The following IL1RAP variants were observed in gnomAD, a reference collection of about 807,000 sequenced individuals.
IL1RAP encodes interleukin-1 receptor accessory protein.
IL1RAP carries 35 observed loss-of-function variants against 60.7 expected under a neutral mutation model. That is an observed-to-expected ratio of 0.58 (90% CI 0.44 to 0.76). The LOEUF (loss-of-function observed/expected upper bound fraction) is 0.76. Among genes scored for constraint, IL1RAP ranks in the 30% least tolerant of loss-of-function variants. IL1RAP has a pLI of 0.00. For missense variants in IL1RAP, 572 were observed against 693.9 expected (o/e 0.82, Z 1.97); for synonymous variants, 268 against 250.9 (o/e 1.07, Z -0.64).
chr3:190,560,766 G>C (rs1725817570), intron 2 of IL1RAP, among the ~76,000 whole-genome samples: 2 of 152,182 alleles, frequency 1.3e-5, no homozygotes, highest in African/African-American at 4.8e-5. Flanking sequence ...ACCAAGTCTA[G>C]AGAATGCAGA....
At chr3:190,641,808 T>G in intron 9 of IL1RAP, among the ~76,000 whole-genome samples, 1 of 152,194 alleles carries the variant, frequency 6.6e-6, no homozygotes, top group East Asian at 1.9e-4. Flanking sequence ...ATTACCCTGT[T>G]GTACTGTTAA....
chr3:190,528,032 A>G (rs969442427), intron 1 of IL1RAP, among the ~76,000 whole-genome samples: 3 of 152,008 alleles, frequency 2.0e-5, no homozygotes, highest in Admixed American at 2.0e-4. Flanking sequence ...TTCTTCTTAA[A>G]TGTTTGCTTT....
chr3:190,580,689 G>A (rs1051335706), intron 3 of IL1RAP, among the ~76,000 whole-genome samples: 17 of 152,186 alleles, frequency 1.1e-4, no homozygotes, highest in African/African-American at 3.9e-4. Flanking sequence ...CAAAGTTTCA[G>A]TTACGCAAGG....
intron 3 of IL1RAP, among the ~76,000 whole-genome samples, chr3:190,585,096 T>A (rs1016081520): frequency 6.6e-6 from 1 of 152,208 alleles, no homozygotes; most frequent in Non-Finnish European, 1.5e-5. Context: ...CTAAAATACT[T>A]TGAGGCCCCG....
At chr3:190,652,671 G>C (rs572091509), downstream of IL1RAP, among the ~76,000 whole-genome samples, 1 of 152,208 alleles carries the variant, frequency 6.6e-6, no homozygotes, top group East Asian at 1.9e-4. Flanking sequence ...GACACTAATG[G>C]AATTCACTAT....
At chr3:190,641,563 A>C (rs1212499181) in intron 9 of IL1RAP, among the ~76,000 whole-genome samples, 2 of 152,204 alleles carry the variant, frequency 1.3e-5, no homozygotes, top group African/African-American at 4.8e-5. Context: ...ACTGTATGAC[A>C]CAAAACAGAA....
chr3:190,650,248 G>A lies in IL1RAP; in HGVS notation c.*1543G>A, dbSNP rs952712984. The A allele has an allele frequency of 1.0e-6, 1 of 985,146 alleles. No homozygotes were observed. The highest frequency in any genetic ancestry group is 4.7e-5 in the South Asian group (1 of 21,286). 61.0% of individuals were successfully genotyped at this position (985,146 alleles called of 1,614,324 possible). On this transcript the variant is annotated 3_prime_UTR_variant, in exon 12 of 12. Coordinates refer to ENST00000447382, the MANE Select transcript of IL1RAP (RefSeq NM_002182.4). ...ATTCACAGCTCACAGAGTGATAGTT[G>A]TCATAGTTCTTGCCTTCCCTAAGTT... is the stretch of plus-strand genomic sequence containing the variant.
intron 1 of IL1RAP, among the ~76,000 whole-genome samples, chr3:190,515,107 G>A (rs1010878237): frequency 6.6e-6 from 1 of 152,160 alleles, no homozygotes; most frequent in Non-Finnish European, 1.5e-5. Flanking sequence ...ACAGATCCCT[G>A]GTTTAGCTAC....
At chr3:190,581,960 A>G (rs1477028502) in intron 3 of IL1RAP, among the ~76,000 whole-genome samples, 1 of 152,218 alleles carries the variant, frequency 6.6e-6, no homozygotes, top group Non-Finnish European at 1.5e-5. Flanking sequence ...TGAAAAGCAA[A>G]GTGGAGGTCA....
At chr3:190,586,480 C>T (rs1043086672) in intron 3 of IL1RAP, among the ~76,000 whole-genome samples, 1 of 152,170 alleles carries the variant, frequency 6.6e-6, no homozygotes, top group African/African-American at 2.4e-5. Context: ...GTGTTCTAAG[C>T]AAAGACAGCC....
chr3:190,521,286 T>C (rs1721993454), intron 1 of IL1RAP, among the ~76,000 whole-genome samples: 1 of 152,106 alleles, frequency 6.6e-6, no homozygotes, highest in African/African-American at 2.4e-5. Context: ...TATGCAAATG[T>C]ATACACATGT....
At chr3:190,588,805 A>T (rs1010543013) in intron 3 of IL1RAP, among the ~76,000 whole-genome samples, 1 of 152,212 alleles carries the variant, frequency 6.6e-6, no homozygotes, top group Non-Finnish European at 1.5e-5. Flanking sequence ...AATGTTCTCA[A>T]CCTTAGCACT....
intron 3 of IL1RAP, among the ~76,000 whole-genome samples, chr3:190,595,071 C>T (rs764183278): frequency 9.9e-5 from 15 of 152,146 alleles, no homozygotes; most frequent in African/African-American, 2.2e-4. Context: ...GTTCTTTGTT[C>T]CCTTCACTCA....
intron 5 of IL1RAP, among the ~76,000 whole-genome samples, chr3:190,610,707 G>T (rs1730748261): frequency 6.6e-6 from 1 of 152,022 alleles, no homozygotes; most frequent in South Asian, 2.1e-4. Flanking sequence ...GCAAAATTTG[G>T]CAGAACTCCC....
intron 3 of IL1RAP, among the ~76,000 whole-genome samples, chr3:190,594,343 G>C (rs6796131): frequency 0.34 from 50,984 of 152,046 alleles, 8,992 homozygotes; most frequent in East Asian, 0.62. Flanking sequence ...AGGCAACTCC[G>C]CAAGTTATTC....
chr3:190,518,290 G>T (rs1218012228), intron 1 of IL1RAP, among the ~76,000 whole-genome samples: 1 of 152,076 alleles, frequency 6.6e-6, no homozygotes, highest in Non-Finnish European at 1.5e-5. Context: ...CTGCTTAGAA[G>T]CTTAAGTCCC....
chr3:190,562,820 A>G (rs1323206867), intron 2 of IL1RAP, among the ~76,000 whole-genome samples: 1 of 152,162 alleles, frequency 6.6e-6, no homozygotes, highest in African/African-American at 2.4e-5. Flanking sequence ...TATTGAATAA[A>G]TGAAAGACTG....
At chr3:190,591,750 A>G (rs908571134) in intron 3 of IL1RAP, among the ~76,000 whole-genome samples, 9 of 152,234 alleles carry the variant, frequency 5.9e-5, no homozygotes, top group Non-Finnish European at 1.3e-4. Flanking sequence ...TTATTATATT[A>G]AAATAATCAT....
chr3:190,650,149 T>A lies in IL1RAP; in HGVS notation c.*1444T>A. The A allele has an allele frequency of 1.0e-6, 1 of 984,024 alleles. No homozygotes were observed. Among genetic ancestry groups the A allele is most frequent in the South Asian group, 4.7e-5 (1 of 21,250 alleles). 61.0% of individuals were successfully genotyped at this position (984,024 alleles called of 1,614,324 possible). A position where few individuals can be genotyped will look rare whatever the true frequency, so the allele number is the denominator to read the frequency against. ...GTACAATATTAAAAACCACTGGAAC[T>A]CTTGTCCAGTTTTTAAATTATGTTT... On this transcript the variant is annotated 3_prime_UTR_variant, in exon 12 of 12. Transcript: ENST00000447382.
Sources: gnomAD v4.1 joint callset for allele counts (sites outside exome capture counted in the v4.1 genomes callset) on GRCh38, gnomAD v4.1.1 for gene constraint, MANE v1.5 for transcripts, NCBI Gene and HGNC (gene_info 2026-07-23, HGNC 2026-07-21) for gene names.